The following AKT3 variants were observed in gnomAD, a reference collection of about 807,000 sequenced individuals.
AKT3 encodes the protein RAC-gamma serine/threonine-protein kinase.
In AKT3, 15 loss-of-function variants were observed where a neutral mutation model predicts 65.3. That is an observed-to-expected ratio of 0.23 (90% CI 0.15 to 0.35). AKT3 has a LOEUF of 0.35. Ranked by LOEUF, AKT3 falls within the 10% of genes least tolerant of loss-of-function variation. The probability of loss-of-function intolerance (pLI) is 1.00; values close to 1 mark genes in which losing one functional copy is unlikely to be tolerated. For missense variants in AKT3, 243 were observed against 576.5 expected, an observed-to-expected ratio of 0.42 and a Z score of 5.92; for synonymous variants, 206 against 183.8, an observed-to-expected ratio of 1.12 and a Z score of -0.98.
At chr1:243,600,017 C>T (rs1037483461) in intron 8 of AKT3, among the ~76,000 whole-genome samples, 3 of 151,984 alleles carry the variant, frequency 2.0e-5, no homozygotes, top group Admixed American at 6.6e-5. Context: ...GAATCAACTA[C>T]AAATTGAAAT....
At chr1:243,576,541 G>T (rs1050709568) in intron 8 of AKT3, among the ~76,000 whole-genome samples, 1 of 152,160 alleles carries the variant, frequency 6.6e-6, no homozygotes, top group African/African-American at 2.4e-5. Context: ...AAAGGCTCAG[G>T]ATAGAAAATC....
intron 2 of AKT3, among the ~76,000 whole-genome samples, chr1:243,790,573 T>TTATC (rs1691566863): frequency 6.6e-6 from 1 of 152,218 alleles, no homozygotes; most frequent in South Asian, 2.1e-4. Context: ...TTTCGCTTTC[T>TTATC]TATCATTCAT....
chr1:243,786,772 C>CCTACTCACCCACAGGT (rs1421557526), intron 2 of AKT3, among the ~76,000 whole-genome samples: 1 of 152,142 alleles, frequency 6.6e-6, no homozygotes, highest in East Asian at 1.9e-4. Flanking sequence ...CTCAGCCCTT[C>CCTACTCACCCACAGGT]CTACTCACCC....
intron 2 of AKT3, among the ~76,000 whole-genome samples, chr1:243,816,538 A>G (rs889993398): frequency 6.6e-6 from 1 of 152,192 alleles, no homozygotes; most frequent in African/African-American, 2.4e-5. Flanking sequence ...AATAGATTAC[A>G]TAAAGTTAAA....
chr1:243,709,583 A>G (rs965238276), intron 2 of AKT3, among the ~76,000 whole-genome samples: 2 of 151,972 alleles, frequency 1.3e-5, no homozygotes, highest in Non-Finnish European at 2.9e-5. Flanking sequence ...AGTATATAAT[A>G]TCATGGATAT....
At chr1:243,494,038 G>A (rs1269114344) in intron 13 of AKT3, among the ~76,000 whole-genome samples, 1 of 152,138 alleles carries the variant, frequency 6.6e-6, no homozygotes, top group Non-Finnish European at 1.5e-5. Flanking sequence ...GGAGCCCTGG[G>A]GGCCTCGCCC....
At chr1:243,515,628 G>C (rs1670303164) in intron 12 of AKT3, among the ~76,000 whole-genome samples, 1 of 152,104 alleles carries the variant, frequency 6.6e-6, no homozygotes, top group African/African-American at 2.4e-5. Context: ...GATTTGATTT[G>C]CTAAAATTAA....
At chr1:243,682,045 A>T (rs1200038100) in intron 3 of AKT3, among the ~76,000 whole-genome samples, 1 of 152,106 alleles carries the variant, frequency 6.6e-6, no homozygotes, top group African/African-American at 2.4e-5. Flanking sequence ...AATTTCAAAA[A>T]CTAGTTACGC....
chr1:243,722,561 C>T (rs1007032330), intron 2 of AKT3, among the ~76,000 whole-genome samples: 1 of 152,050 alleles, frequency 6.6e-6, no homozygotes, highest in Admixed American at 6.6e-5. Context: ...TAAAGAAGGC[C>T]CTTATAATAC....
rs191883477 is a variant in AKT3, at chr1:243,733,050, C to G, written c.47-37334G>C. On this transcript the variant is annotated intron_variant, in intron 2 of 13. Transcript: ENST00000673466. ...AACCAGCTGCAATTACTATAATTAG[C>G]TGCTTTCCTATACTTTGTTTCCTTT... 2.2e-3 allele frequency among the ~76,000 whole-genome samples: 332 copies of G among 152,326 alleles called. 3 individuals are homozygous for G. Among genetic ancestry groups the G allele is most frequent in the African/African-American group, 7.6e-3 (317 of 41,570 alleles).
chr1:243,697,534 T>C (rs141597846), intron 2 of AKT3, among the ~76,000 whole-genome samples: 12 of 152,236 alleles, frequency 7.9e-5, no homozygotes, highest in Non-Finnish European at 1.8e-4. Context: ...TCTGTACTAT[T>C]ATGTGAAAAT....
At chr1:243,522,879 G>A (rs1021137378) in intron 12 of AKT3, among the ~76,000 whole-genome samples, 18 of 152,046 alleles carry the variant, frequency 1.2e-4, no homozygotes, top group Non-Finnish European at 2.2e-4. Context: ...TAAAGATGAC[G>A]TGACCAAGAC....
chr1:243,713,418 C>T (rs1027422653), intron 2 of AKT3, among the ~76,000 whole-genome samples: 1 of 152,124 alleles, frequency 6.6e-6, no homozygotes, highest in Non-Finnish European at 1.5e-5. Flanking sequence ...AGTATGTACC[C>T]TTGGTTAACC....
chr1:243,631,965 A>G (rs1317890652), intron 6 of AKT3, among the ~76,000 whole-genome samples: 1 of 152,152 alleles, frequency 6.6e-6, no homozygotes, highest in African/African-American at 2.4e-5. Flanking sequence ...CCACCTCTGC[A>G]GTTATTTCCT....
intron 2 of AKT3, among the ~76,000 whole-genome samples, chr1:243,789,238 T>G (rs1010981584): frequency 3.3e-5 from 5 of 152,172 alleles, no homozygotes; most frequent in Non-Finnish European, 5.9e-5. Context: ...TTTAAAAAAT[T>G]AGCCAGGCAC....
At chr1:243,704,621 G>T (rs1685677224) in intron 2 of AKT3, among the ~76,000 whole-genome samples, 4 of 152,052 alleles carry the variant, frequency 2.6e-5, no homozygotes, top group Admixed American at 2.0e-4. Context: ...GGAAGGGACT[G>T]GGAAGAATAT....
At chr1:243,489,696 A>G (rs1299468058) in intron 13 of AKT3, among the ~76,000 whole-genome samples, 1 of 152,192 alleles carries the variant, frequency 6.6e-6, no homozygotes, top group African/African-American at 2.4e-5. Flanking sequence ...TTGAACAAGC[A>G]GGCGATGCTG....
intron 1 of AKT3, among the ~76,000 whole-genome samples, chr1:243,844,154 C>T (rs975692381): frequency 5.3e-5 from 8 of 152,082 alleles, no homozygotes; most frequent in Admixed American, 2.6e-4. Flanking sequence ...AGAACTGTTA[C>T]GGGTACTTAC....
At chr1:243,777,876 A>T (rs1690656415) in intron 2 of AKT3, among the ~76,000 whole-genome samples, 1 of 152,120 alleles carries the variant, frequency 6.6e-6, no homozygotes, top group Non-Finnish European at 1.5e-5. Context: ...CTTAGACTGG[A>T]ATGTTAGACC....
Sources: gnomAD v4.1 joint callset for allele counts (sites outside exome capture counted in the v4.1 genomes callset) on GRCh38, gnomAD v4.1.1 for gene constraint, MANE v1.5 for transcripts, NCBI Gene and HGNC (gene_info 2026-07-23, HGNC 2026-07-21) for gene names.